Variants in SH3RF2 observed in about 807,000 individuals in gnomAD.
The protein encoded by SH3RF2 is SH3 domain containing ring finger 2, also known as E3 ubiquitin-protein ligase SH3RF2.
SH3RF2 carries 43 observed loss-of-function variants against 59.0 expected under a neutral mutation model. The observed-to-expected ratio is 0.73, with a 90% CI of 0.57 to 0.94. The LOEUF is 0.94. SH3RF2 is among the 40% of genes least tolerant of loss of function. The probability of loss-of-function intolerance (pLI) is 0.00; values close to 1 mark genes in which losing one functional copy is unlikely to be tolerated. For missense variants in SH3RF2, 930 were observed against 940.1 expected, an observed-to-expected ratio of 0.99 and a Z score of 0.14; for synonymous variants, 391 against 391.5, an observed-to-expected ratio of 1.00 and a Z score of 0.01.
chr5:146,018,380 G>A (rs960534101), intron 5 of SH3RF2, among the ~76,000 whole-genome samples: 1 of 152,008 alleles, frequency 6.6e-6, no homozygotes, highest in Non-Finnish European at 1.5e-5. Flanking sequence ...ATTTCACTTA[G>A]GATTATAGCC....
intron 2 of SH3RF2, among the ~76,000 whole-genome samples, chr5:145,967,588 G>C (rs1455848827): frequency 6.6e-6 from 1 of 152,180 alleles, no homozygotes; most frequent in Non-Finnish European, 1.5e-5. Flanking sequence ...ACGTGGGACT[G>C]TCTCTATCTT....
At chr5:146,005,598 T>C (rs1760610352) in intron 4 of SH3RF2, among the ~76,000 whole-genome samples, 1 of 152,178 alleles carries the variant, frequency 6.6e-6, no homozygotes. Flanking sequence ...CTGATCTTCT[T>C]ATTGTCTCTA....
At position 146,047,881 on chromosome 5, in the gene SH3RF2, C is replaced by T. The variant is rs754725869; in HGVS notation, c.1151+18C>T. 1.1e-5 allele frequency: 18 copies of T among 1,611,462 alleles called. No individual in the cohort carries two copies. Among genetic ancestry groups the T allele is most frequent in the Middle Eastern group, 3.3e-4 (2 of 6,078 alleles). On this transcript the variant is annotated intron_variant, in intron 6 of 9. Coordinates refer to ENST00000359120, the MANE Select transcript of SH3RF2 (RefSeq NM_152550.4). ...GCGAACATGTGAGTAAAAGGCTCAT[C>T]CCTTCACCCAAGTCCTGGCACAAAG... is the stretch of plus-strand genomic sequence containing the variant.
chr5:146,065,850 A>C (rs1763090508), downstream of SH3RF2, among the ~76,000 whole-genome samples: 1 of 152,204 alleles, frequency 6.6e-6, no homozygotes. Context: ...GTAGAGATGA[A>C]GTCTCACTGT....
At chr5:146,078,783 A>C (rs1427782688) in exon 10 of SH3RF2, 2 of 152,388 alleles carry the variant, frequency 1.3e-5, no homozygotes, top group East Asian at 3.8e-4. Flanking sequence ...GCCAAACTTT[A>C]TCTTGCTAAT....
chr5:146,055,816 A>T, intron 7 of SH3RF2, 165 bp from the exon 8 acceptor site: 2 of 749,290 alleles, frequency 2.7e-6, no homozygotes, highest in Non-Finnish European at 4.3e-6. Flanking sequence ...GGCCAACTTT[A>T]GTTAAGCCTG....
At chr5:145,950,279 T>C (rs1370834719) in intron 2 of SH3RF2, among the ~76,000 whole-genome samples, 1 of 152,122 alleles carries the variant, frequency 6.6e-6, no homozygotes, top group Admixed American at 6.6e-5. Context: ...AAGGGCTGGG[T>C]TCTAACCAAG....
At chr5:146,067,096 C>T (rs947464533), downstream of SH3RF2, among the ~76,000 whole-genome samples, 15 of 152,188 alleles carry the variant, frequency 9.9e-5, no homozygotes, top group Admixed American at 5.2e-4. Context: ...GTGTGGAACC[C>T]GCCTCACCTC....
chr5:145,938,396 A>G, intron 2 of SH3RF2, 90 bp downstream of exon 2: 1 of 1,408,812 alleles, frequency 7.1e-7, no homozygotes, highest in Non-Finnish European at 9.4e-7. Context: ...TTTTAGTTAC[A>G]TTCCAGAGTG....
Position 146,062,673 on chromosome 5 carries a change from G to C in SH3RF2, c.2162G>C (p.Gly721Ala). ...KATTLVSTAS[G>A]TQTVFPSK ...ACAACCCTGGTGTCCACTGCCTCAG[G>C]CACGCAGACCGTGTTTCCCAGCAAA... is the stretch of plus-strand genomic sequence containing the variant. Residue 721 changes from glycine (G) to alanine (A), a missense_variant, in exon 10 of 10, where the codon GGC becomes GCC. Transcript: ENST00000359120. 6.2e-7 allele frequency: 1 copy of C among 1,613,858 alleles called. No homozygotes were observed. Among genetic ancestry groups the C allele is most frequent in the Non-Finnish European group, 8.5e-7 (1 of 1,179,746 alleles).
Position 146,013,935 on chromosome 5 carries a change from G to A in SH3RF2, c.933G>A (p.Met311Ile). ...ITTALNTLNRMVHSPSGRHMV... is the reference protein window; with the variant it reads ...ITTALNTLNRIVHSPSGRHMV... The stretch of plus-strand genomic sequence containing the variant: ...CAGCCTTGAACACTCTCAACCGGAT[G>A]GTCCATTCTCCTTCAGGGCGCCATA... The change falls in exon 5 of 10, where the codon ATG (methionine) becomes ATA (isoleucine). Residue 311 changes from methionine (M) to isoleucine (I), a missense_variant. By Grantham distance (10) the Met-to-Ile change is conservative (BLOSUM62 1). Transcript: ENST00000359120. The A allele has an allele frequency of 1.9e-6, 3 of 1,614,066 alleles. No individual in the cohort carries two copies. The South Asian group carries it at 3.3e-5, about 18-fold the overall frequency.
intron 5 of SH3RF2, chr5:146,043,981 A>G (rs1561759302): frequency 1.3e-5 from 2 of 152,300 alleles, no homozygotes; most frequent in Non-Finnish European, 1.5e-5. Context: ...TGTGAGTACA[A>G]TTGCTGAGTA....
At chr5:146,069,791 C>T (rs920626737) in intron 9 of SH3RF2, among the ~76,000 whole-genome samples, 7 of 152,034 alleles carry the variant, frequency 4.6e-5, no homozygotes, top group African/African-American at 1.7e-4. Flanking sequence ...CCAGACTGGT[C>T]TCGAACTCCT....
At chr5:146,018,825 T>A (rs922072955) in intron 5 of SH3RF2, among the ~76,000 whole-genome samples, 3 of 152,102 alleles carry the variant, frequency 2.0e-5, no homozygotes, top group Non-Finnish European at 1.5e-5. Context: ...ACAGTCATTC[T>A]GACTTGGATA....
At chr5:146,013,677 A>C in intron 4 of SH3RF2, 70 bp from the exon 5 acceptor site, 1 of 1,565,808 alleles carries the variant, frequency 6.4e-7, no homozygotes, top group African/African-American at 1.4e-5. Flanking sequence ...TCAGATGTAC[A>C]TGGGTAGGAA....
intron 5 of SH3RF2, among the ~76,000 whole-genome samples, chr5:146,019,014 C>A (rs1460503171): frequency 6.6e-6 from 1 of 151,958 alleles, no homozygotes; most frequent in South Asian, 2.1e-4. Flanking sequence ...GGATATTAGT[C>A]CTTTGTCAAA....
intron 2 of SH3RF2, chr5:145,997,260 T>A (rs1760201752): frequency 1.1e-6 from 1 of 947,112 alleles, no homozygotes; most frequent in African/African-American, 1.6e-5. Flanking sequence ...GATACATGCA[T>A]CTGTAAATGT....
rs141343149 is a variant in SH3RF2, at chr5:145,940,690, G to C, written c.378+2384G>C. On this transcript the variant is annotated intron_variant, in intron 2 of 9. Transcript: ENST00000359120. ...AAAACATCTGCTATGTAAATGCAAA[G>C]CATCATCATTAAGATTCATTTAGAC... 8.5e-5 allele frequency among the ~76,000 whole-genome samples: 13 copies of C among 152,336 alleles called. No individual in the cohort carries two copies. The East Asian group carries it at 2.5e-3, about 29-fold the overall frequency.
intron 5 of SH3RF2, among the ~76,000 whole-genome samples, chr5:146,039,299 T>C (rs1762047778): frequency 6.6e-6 from 1 of 152,166 alleles, no homozygotes; most frequent in Non-Finnish European, 1.5e-5. Context: ...AATTTGACTA[T>C]ATGAAAAATC....
Sources: gnomAD v4.1 joint callset for allele counts (sites outside exome capture counted in the v4.1 genomes callset) on GRCh38, gnomAD v4.1.1 for gene constraint, MANE v1.5 for transcripts, NCBI Gene and HGNC (gene_info 2026-07-23, HGNC 2026-07-21) for gene names.